Variants in YTHDF2 observed in about 807,000 individuals in gnomAD.
YTHDF2 encodes YTH N6-methyladenosine RNA binding protein F2, also known as YTH domain-containing family protein 2.
A neutral mutation model predicts 50.4 loss-of-function variants in YTHDF2; 2 were observed. The observed-to-expected ratio is 0.04, with a 90% CI of 0.02 to 0.12. YTHDF2 has a LOEUF of 0.12. Ranked by LOEUF, YTHDF2 falls within the 10% of genes least tolerant of loss-of-function variation. The probability of loss-of-function intolerance (pLI) is 1.00; values close to 1 mark genes in which losing one functional copy is unlikely to be tolerated. For synonymous variants in YTHDF2, 217 were observed against 255.6 expected, an observed-to-expected ratio of 0.85 and a Z score of 1.44; for missense variants, 483 against 722.6, an observed-to-expected ratio of 0.67 and a Z score of 3.80.
intron 1 of YTHDF2, 45 bp downstream of exon 1, chr1:28,737,192 A>G (rs1332236395): frequency 1.3e-6 from 2 of 1,536,038 alleles, no homozygotes; most frequent in Non-Finnish European, 1.8e-6. Flanking sequence ...TGAGGCGAGA[A>G]GGAGCCCGAC....
chr1:28,754,036 T>A (rs191196111), intron 4 of YTHDF2, among the ~76,000 whole-genome samples: 11 of 152,218 alleles, frequency 7.2e-5, no homozygotes, highest in African/African-American at 1.4e-4. Flanking sequence ...TGTGTTTTAG[T>A]TTGGTTGTAA....
chr1:28,755,586 G>A (rs374107321), intron 4 of YTHDF2, among the ~76,000 whole-genome samples: 1 of 152,182 alleles, frequency 6.6e-6, no homozygotes, highest in African/African-American at 2.4e-5. Flanking sequence ...GAGCCAACAC[G>A]AGTGAGAGAA....
At position 28,768,986 on chromosome 1, in the gene YTHDF2, C is replaced by T. The variant is rs761143057; in HGVS notation, c.*34C>T. On this transcript the variant is annotated 3_prime_UTR_variant, in exon 5 of 5. Coordinates refer to ENST00000373812, the MANE Select transcript of YTHDF2 (RefSeq NM_016258.3). ...TCTACACAGACTGCAGCAACGGTTGCATCTGCATATCCTAAGAGGAAAAAA... is the reference window on the plus strand; with the variant it reads ...TCTACACAGACTGCAGCAACGGTTGTATCTGCATATCCTAAGAGGAAAAAA... 3.2e-6 allele frequency: 5 copies of T among 1,552,658 alleles called. No individual in the cohort carries two copies. The South Asian group carries it at 6.3e-5, about 20-fold the overall frequency.
In YTHDF2 at chr1:28,761,252, A is replaced by G. The variant is rs2088125589; in HGVS notation, c.1717-7677A>G. 2.7e-5 allele frequency among the ~76,000 whole-genome samples: 4 copies of G among 149,064 alleles called. No homozygotes were observed. The South Asian group carries it at 6.3e-4, about 23-fold the overall frequency. The stretch of plus-strand genomic sequence containing the variant: ...TGGGCTTAAGCATACTTTTTCTTGC[A>G]GCCTTCTAAGTAGCTGGGACCACAC... On this transcript the variant is annotated intron_variant, in intron 4 of 4. Transcript: ENST00000373812.
intron 4 of YTHDF2, among the ~76,000 whole-genome samples, chr1:28,755,138 AGAT>A (rs2088017965): frequency 6.6e-6 from 1 of 152,104 alleles, no homozygotes; most frequent in Non-Finnish European, 1.5e-5. Context: ...CAAAAATTAA[AGAT>A]GATGAGAGGA....
chr1:28,756,463 CT>C (rs909127188), intron 4 of YTHDF2, among the ~76,000 whole-genome samples: 4 of 152,090 alleles, frequency 2.6e-5, no homozygotes, highest in African/African-American at 9.7e-5. Flanking sequence ...CATTGGAATT[CT>C]TTTTTTCCCT....
chr1:28,747,684 C>T (rs747476345), intron 4 of YTHDF2, among the ~76,000 whole-genome samples: 1 of 148,168 alleles, frequency 6.7e-6, no homozygotes, highest in Non-Finnish European at 1.5e-5. Context: ...TCCGAAAGTG[C>T]TGGGATTACA....
intron 4 of YTHDF2, among the ~76,000 whole-genome samples, chr1:28,752,864 G>A (rs1166286261): frequency 6.6e-6 from 1 of 151,802 alleles, no homozygotes; most frequent in African/African-American, 2.4e-5. Context: ...GCAGCATAGC[G>A]AGACCTTGTC....
chr1:28,745,927 T>C (rs2087853798), intron 4 of YTHDF2, among the ~76,000 whole-genome samples: 1 of 151,998 alleles, frequency 6.6e-6, no homozygotes. Flanking sequence ...TTGTCCTAGC[T>C]ACTTTGGAGG....
chr1:28,739,542 C>T lies in YTHDF2; in HGVS notation c.132+1204C>T, dbSNP rs147884239. ...CTTGAATTCCTGAGCTCAAGAGGTC[C>T]GCCCTCCTCGACCTCTCAGAAGTGT... On this transcript the variant is annotated intron_variant, in intron 3 of 4. Coordinates refer to ENST00000373812, the MANE Select transcript of YTHDF2 (RefSeq NM_016258.3). Among the ~76,000 whole-genome samples the T allele has an allele frequency of 4.3e-3, 649 of 151,966 alleles. 3 individuals carry two copies. Among genetic ancestry groups the T allele is most frequent in the Non-Finnish European group, 6.3e-3 (428 of 67,968 alleles).
intron 4 of YTHDF2, among the ~76,000 whole-genome samples, chr1:28,759,151 TATC>T: frequency 6.6e-6 from 1 of 152,328 alleles, no homozygotes; most frequent in African/African-American, 2.4e-5. Flanking sequence ...ATCTGCATTT[TATC>T]AGCTCTACAA....
At chr1:28,768,503 C>T (rs1459780576) in intron 4 of YTHDF2, among the ~76,000 whole-genome samples, 1 of 151,928 alleles carries the variant, frequency 6.6e-6, no homozygotes, top group Non-Finnish European at 1.5e-5. Context: ...AAATTGAGGA[C>T]TTATGAGTAT....
intron 2 of YTHDF2, 75 bp downstream of exon 2, chr1:28,737,757 G>C: frequency 1.3e-6 from 2 of 1,575,648 alleles, no homozygotes; most frequent in Non-Finnish European, 8.6e-7. Flanking sequence ...TCCGGGAAGC[G>C]CCCCGGGCGG....
Position 28,756,316 on chromosome 1 carries a change from C to CTT in YTHDF2, c.1716+12330_1716+12331insTT, listed in dbSNP as rs1352343795. Among the ~76,000 whole-genome samples the CTT allele has an allele frequency of 4.6e-5, 7 of 152,236 alleles. No individual in the cohort carries two copies. The East Asian group carries it at 1.3e-3, about 29-fold the overall frequency. Reference sequence around the variant, plus strand: ...GGACTGCTATTTTTCCATGCTTAAACATTTGTGGGACAAGGGCTAGTTGGC... The same window carrying CTT: ...GGACTGCTATTTTTCCATGCTTAAACTTATTTGTGGGACAAGGGCTAGTTGGC... On this transcript the variant is annotated intron_variant, in intron 4 of 4. Transcript: ENST00000373812.
chr1:28,747,745 C>G (rs2087887202), intron 4 of YTHDF2, among the ~76,000 whole-genome samples: 1 of 151,022 alleles, frequency 6.6e-6, no homozygotes, highest in South Asian at 2.1e-4. Context: ...AGTGAGTATC[C>G]TAGTTCTCAG....
intron 4 of YTHDF2, among the ~76,000 whole-genome samples, chr1:28,766,287 G>A (rs1037085151): frequency 6.6e-6 from 1 of 151,694 alleles, no homozygotes; most frequent in Admixed American, 6.6e-5. Flanking sequence ...GTGTATGTAT[G>A]TATTTGTAAT....
At chr1:28,763,534 C>T (rs2088165596) in intron 4 of YTHDF2, among the ~76,000 whole-genome samples, 1 of 152,162 alleles carries the variant, frequency 6.6e-6, no homozygotes, top group Non-Finnish European at 1.5e-5. Context: ...CAGCTCAGTG[C>T]AACCTCCACC....
chr1:28,760,017 A>G (rs1448820102), intron 4 of YTHDF2, among the ~76,000 whole-genome samples: 1 of 150,098 alleles, frequency 6.7e-6, no homozygotes, highest in Admixed American at 6.6e-5. Flanking sequence ...TGGCAAACAC[A>G]TTAGCCTAGA....
intron 4 of YTHDF2, among the ~76,000 whole-genome samples, chr1:28,744,475 G>A (rs931197228): frequency 4.6e-5 from 7 of 152,110 alleles, no homozygotes; most frequent in Non-Finnish European, 8.8e-5. Context: ...GACAATTGGC[G>A]GTGTAAAAGA....
Sources: allele counts gnomAD v4.1 joint callset (sites outside exome capture counted in the v4.1 genomes callset), GRCh38; gene constraint gnomAD v4.1.1; transcripts MANE v1.5; gene names NCBI Gene and HGNC (gene_info 2026-07-23, HGNC 2026-07-21).